LCLAT1: variants seen among roughly 807,000 people sequenced by gnomAD.
LCLAT1 encodes lysocardiolipin acyltransferase 1, also known as 1-AGP acyltransferase 8.
Under a neutral mutation model 30.7 loss-of-function variants are expected in LCLAT1, and 11 were observed. That is an observed-to-expected ratio of 0.36 (90% CI 0.23 to 0.59). The LOEUF (loss-of-function observed/expected upper bound fraction) is 0.59, where lower values mean the gene tolerates loss of function less well. LCLAT1 is among the 20% of genes least tolerant of loss of function. LCLAT1 has a pLI of 0.77. For missense variants in LCLAT1, 402 were observed against 458.6 expected, an observed-to-expected ratio of 0.88 and a Z score of 1.13; for synonymous variants, 155 against 151.3, an observed-to-expected ratio of 1.02 and a Z score of -0.18.
intron 5 of LCLAT1, among the ~76,000 whole-genome samples, chr2:30,635,119 G>T (rs1220021800): frequency 6.6e-6 from 1 of 152,076 alleles, no homozygotes; most frequent in African/African-American, 2.4e-5. Context: ...ATCAAGACAG[G>T]CCAGAAGTGG....
intron 1 of LCLAT1, among the ~76,000 whole-genome samples, chr2:30,481,354 T>G (rs1683310747): frequency 6.6e-6 from 1 of 152,082 alleles, no homozygotes; most frequent in Admixed American, 6.6e-5. Flanking sequence ...GATATTTTGG[T>G]AATATCAGCA....
chr2:30,480,387 G>A (rs1683259970), intron 1 of LCLAT1, among the ~76,000 whole-genome samples: 1 of 151,908 alleles, frequency 6.6e-6, no homozygotes, highest in Non-Finnish European at 1.5e-5. Flanking sequence ...TAGAAATGGG[G>A]TTTTGCCATG....
chr2:30,562,522 C>A (rs1288196126), intron 4 of LCLAT1, among the ~76,000 whole-genome samples: 1 of 151,904 alleles, frequency 6.6e-6, no homozygotes, highest in East Asian at 1.9e-4. Flanking sequence ...CAAAACAAAA[C>A]AAAACAGAAA....
chr2:30,467,748 G>A (rs1339135718), intron 1 of LCLAT1, among the ~76,000 whole-genome samples: 1 of 152,206 alleles, frequency 6.6e-6, no homozygotes, highest in Non-Finnish European at 1.5e-5. Flanking sequence ...TTTGAGAAGT[G>A]TCTGTTCATA....
intron 1 of LCLAT1, among the ~76,000 whole-genome samples, chr2:30,478,683 A>T (rs978669278): frequency 1.2e-4 from 11 of 94,692 alleles, no homozygotes; most frequent in African/African-American, 5.4e-4. Context: ...AAATAAATAG[A>T]TAGATAGGTA....
At chr2:30,575,048 CT>C (rs1665935438) in intron 5 of LCLAT1, among the ~76,000 whole-genome samples, 1 of 152,176 alleles carries the variant, frequency 6.6e-6, no homozygotes, top group Non-Finnish European at 1.5e-5. Flanking sequence ...CATGCCCTCT[CT>C]TCACTCCAGT....
chr2:30,496,364 G>A lies in LCLAT1; in HGVS notation c.-4-29223G>A, dbSNP rs529575174. ...GTAGTGCCAGCTCACTGTACCTTTCGCCTCTGATTCTGCCCTTGGCACAGA... is the reference window on the plus strand; with the variant it reads ...GTAGTGCCAGCTCACTGTACCTTTCACCTCTGATTCTGCCCTTGGCACAGA... On this transcript the variant is annotated intron_variant, in intron 1 of 5. Coordinates refer to ENST00000379509, the MANE Select transcript of LCLAT1 (RefSeq NM_001002257.3). Among the ~76,000 whole-genome samples, 58 of 152,250 alleles carry A rather than the reference G, an allele frequency of 3.8e-4. 1 individual carries two copies. The South Asian group carries it at 8.7e-3, about 23-fold the overall frequency.
In LCLAT1 at chr2:30,640,311, G is replaced by C. The variant is rs1669235724; in HGVS notation, c.823G>C (p.Glu275Gln). The C allele has an allele frequency of 6.2e-7, 1 of 1,614,112 alleles. No homozygotes were observed. The highest frequency in any genetic ancestry group is 8.5e-7 in the Non-Finnish European group (1 of 1,180,046). Residue 275 changes from glutamate to glutamine, a missense_variant, in exon 6 of 6, where the codon GAG becomes CAG. Transcript: ENST00000379509. ...CCACAAACGGTGGGAAGAGAAAGAA[G>C]AGAGGCTGCGTTCCTTCTATCAAGG... ...WCHKRWEEKE[E>Q]RLRSFYQGEK...
chr2:30,554,268 C>G (rs1416294051), intron 3 of LCLAT1, among the ~76,000 whole-genome samples: 1 of 152,154 alleles, frequency 6.6e-6, no homozygotes, highest in Admixed American at 6.5e-5. Context: ...CTAGAACATC[C>G]TTTACAAATA....
chr2:30,615,021 C>T (rs1437131146), intron 5 of LCLAT1, among the ~76,000 whole-genome samples: 1 of 151,710 alleles, frequency 6.6e-6, no homozygotes, highest in South Asian at 2.1e-4. Flanking sequence ...GGCATGGGTT[C>T]GAGAGAGAAA....
chr2:30,450,424 C>A (rs201489919), intron 1 of LCLAT1, among the ~76,000 whole-genome samples: 33,812 of 152,114 alleles, frequency 0.22, 3,832 homozygotes, highest in East Asian at 0.35. Context: ...AGTGGGAACT[C>A]TCCTGCGGGC....
rs572388445 is a variant in LCLAT1 at position 30,622,692 on chromosome 2, C to G, written c.629-17425C>G. Reference sequence around the variant, plus strand: ...GGTAGCTCCGCTGGTTGGCTAGACCCAGAAAAGAAGTAACAGTCACTGCAG... The same window carrying G: ...GGTAGCTCCGCTGGTTGGCTAGACCGAGAAAAGAAGTAACAGTCACTGCAG... On this transcript the variant is annotated intron_variant, in intron 5 of 5. Coordinates refer to ENST00000379509, the MANE Select transcript of LCLAT1 (RefSeq NM_001002257.3). Among the ~76,000 whole-genome samples the G allele has an allele frequency of 3.3e-5, 5 of 152,292 alleles. No homozygotes were observed. In the South Asian group the frequency reaches 1.0e-3, roughly 32 times the overall value.
intron 5 of LCLAT1, among the ~76,000 whole-genome samples, chr2:30,571,892 T>C (rs575798123): frequency 6.6e-6 from 1 of 152,336 alleles, no homozygotes; most frequent in East Asian, 1.9e-4. Flanking sequence ...GATTAGTAGC[T>C]GACTTTCTTT....
At chr2:30,512,624 C>T (rs567808881) in intron 1 of LCLAT1, among the ~76,000 whole-genome samples, 92 of 152,246 alleles carry the variant, frequency 6.0e-4, no homozygotes, top group African/African-American at 2.1e-3. Context: ...TACTCACATA[C>T]ACAAATATAC....
chr2:30,639,037 G>T (rs1311882944), intron 5 of LCLAT1, among the ~76,000 whole-genome samples: 2 of 152,084 alleles, frequency 1.3e-5, no homozygotes, highest in African/African-American at 4.8e-5. Flanking sequence ...GAAACATATG[G>T]GTTCCTTCTG....
At chr2:30,601,312 AG>A (rs1189756293) in intron 5 of LCLAT1, among the ~76,000 whole-genome samples, 1 of 152,212 alleles carries the variant, frequency 6.6e-6, no homozygotes, top group Non-Finnish European at 1.5e-5. Flanking sequence ...TAATCTGTAT[AG>A]TTTTGCAAAA....
At chr2:30,625,425 G>A (rs898708663) in intron 5 of LCLAT1, among the ~76,000 whole-genome samples, 2 of 152,148 alleles carry the variant, frequency 1.3e-5, no homozygotes, top group Admixed American at 1.3e-4. Context: ...CCATGGAAAA[G>A]ACAAAACTGC....
At chr2:30,614,744 A>G (rs918415498) in intron 5 of LCLAT1, among the ~76,000 whole-genome samples, 2 of 152,204 alleles carry the variant, frequency 1.3e-5, no homozygotes, top group African/African-American at 4.8e-5. Context: ...TATGATATTT[A>G]AAGCTGCAAG....
intron 3 of LCLAT1, among the ~76,000 whole-genome samples, chr2:30,560,258 G>C (rs116855580): frequency 6.6e-6 from 1 of 150,912 alleles, no homozygotes; most frequent in Non-Finnish European, 1.5e-5. Context: ...TTCTAGTTTG[G>C]ACTTACCCAG....
Sources: gnomAD v4.1 joint callset for allele counts (sites outside exome capture counted in the v4.1 genomes callset) on GRCh38, gnomAD v4.1.1 for gene constraint, MANE v1.5 for transcripts, NCBI Gene and HGNC (gene_info 2026-07-23, HGNC 2026-07-21) for gene names.